ZNF346: variants seen among roughly 807,000 people sequenced by gnomAD.
The protein encoded by ZNF346 is double-stranded RNA-binding zinc finger protein JAZ.
Under a neutral mutation model 33.7 loss-of-function variants are expected in ZNF346, and 23 were observed. The ratio of observed to expected loss-of-function variants is 0.68; its 90% CI spans 0.49 to 0.97. The LOEUF is 0.97. Among genes scored for constraint, ZNF346 ranks in the 50% least tolerant of loss-of-function variants. The pLI is 0.00. For synonymous variants in ZNF346, 134 were observed against 142.4 expected, an observed-to-expected ratio of 0.94 and a Z score of 0.42; for missense variants, 340 against 371.1, an observed-to-expected ratio of 0.92 and a Z score of 0.69.
In ZNF346 at chr5:177,064,621, C is replaced by T; in HGVS notation, c.*22C>T. On this transcript the variant is annotated 3_prime_UTR_variant, in exon 7 of 7. Coordinates refer to ENST00000358149, the MANE Select transcript of ZNF346 (RefSeq NM_012279.4). ...CTAGAGGTGATTCTGCCCAGCATCC[C>T]ATATTGGGCCAGCCATGAGCCAGCT... The T allele has an allele frequency of 6.3e-7, 1 of 1,589,904 alleles. No homozygotes were observed. Among genetic ancestry groups the T allele is most frequent in the Non-Finnish European group, 8.6e-7 (1 of 1,158,078 alleles).
intron 5 of ZNF346, among the ~76,000 whole-genome samples, chr5:177,051,408 C>A (rs1001232684): frequency 6.6e-5 from 10 of 151,948 alleles, no homozygotes; most frequent in South Asian, 2.1e-4. Flanking sequence ...ATCTCCTGAC[C>A]TTGTGATCCG....
chr5:177,039,928 C>A (rs1779113650), intron 1 of ZNF346, among the ~76,000 whole-genome samples: 1 of 152,142 alleles, frequency 6.6e-6, no homozygotes, highest in Non-Finnish European at 1.5e-5. Context: ...CGCCTGTAAT[C>A]CCAGCACTTT....
chr5:177,062,718 A>G (rs571238013), intron 6 of ZNF346, among the ~76,000 whole-genome samples: 1 of 152,312 alleles, frequency 6.6e-6, no homozygotes, highest in East Asian at 1.9e-4. Context: ...GTTCATGGTA[A>G]TCTTGGAAGT....
intron 4 of ZNF346, among the ~76,000 whole-genome samples, chr5:177,046,611 G>C (rs1287549487): frequency 6.6e-6 from 1 of 152,150 alleles, no homozygotes; most frequent in Non-Finnish European, 1.5e-5. Context: ...CATGTTGTAA[G>C]AGATAAGGAA....
rs35428094 is a variant in ZNF346 at position 177,057,329 on chromosome 5, G to GTTTTGT, written c.704-4725_704-4724insGTTTTT. Among the ~76,000 whole-genome samples the GTTTTGT allele has an allele frequency of 3.3e-3, 8 of 2,434 alleles. No homozygotes were observed. In the Admixed American group the frequency reaches 0.043, roughly 13 times the overall value. The allele number at this position is 2,434 out of a possible 152,430, so 1.6% of individuals were successfully genotyped here. A position where few individuals can be genotyped will look rare whatever the true frequency, so the allele number is the denominator to read the frequency against. On this transcript the variant is annotated intron_variant, in intron 5 of 6. Coordinates refer to ENST00000358149, the MANE Select transcript of ZNF346 (RefSeq NM_012279.4). ...AGACCTGTGTCTCTTTTTCTTTTAA[G>GTTTTGT]TTTTTTCTCTTTTTTTGGTCCTTAT... is the stretch of plus-strand genomic sequence containing the variant.
intron 1 of ZNF346, among the ~76,000 whole-genome samples, chr5:177,029,876 T>G (rs1372650518): frequency 6.6e-6 from 1 of 152,152 alleles, no homozygotes; most frequent in African/African-American, 2.4e-5. Context: ...AACCTGCAAT[T>G]GGCATCAGAA....
At chr5:177,038,053 C>G (rs1778760363) in intron 1 of ZNF346, among the ~76,000 whole-genome samples, 1 of 151,626 alleles carries the variant, frequency 6.6e-6, no homozygotes, top group Non-Finnish European at 1.5e-5. Context: ...TTCCTGTAAG[C>G]CTTGTGGCTG....
At chr5:177,073,668 G>C (rs1158665867) in intron 8 of ZNF346, among the ~76,000 whole-genome samples, 1 of 152,192 alleles carries the variant, frequency 6.6e-6, no homozygotes, top group African/African-American at 2.4e-5. Flanking sequence ...CAGGTTGCTG[G>C]GGTGGGAGGA....
At chr5:177,056,686 A>G (rs428985) in intron 5 of ZNF346, among the ~76,000 whole-genome samples, 87,480 of 150,756 alleles carry the variant, frequency 0.58, 26,986 homozygotes, top group African/African-American at 0.81. Context: ...AACACTGCAT[A>G]TTCTCACTCA....
At chr5:177,071,414 CG>C (rs1281328648), downstream of ZNF346, among the ~76,000 whole-genome samples, 1 of 151,396 alleles carries the variant, frequency 6.6e-6, no homozygotes, top group Non-Finnish European at 1.5e-5. Context: ...GCGCCAGGCG[CG>C]GTGGCTCACG....
downstream of ZNF346, among the ~76,000 whole-genome samples, chr5:177,068,730 A>G (rs972262556): frequency 2.8e-5 from 4 of 142,076 alleles, no homozygotes; most frequent in Admixed American, 6.8e-5. Flanking sequence ...GAGTGATACA[A>G]CCCCAAAAGA....
chr5:177,057,556 C>G (rs544231208), intron 5 of ZNF346, among the ~76,000 whole-genome samples: 1 of 151,740 alleles, frequency 6.6e-6, no homozygotes, highest in Non-Finnish European at 1.5e-5. Flanking sequence ...GGTCAACATG[C>G]AAAACCCTGT....
chr5:177,054,308 C>T (rs778375958), intron 5 of ZNF346, among the ~76,000 whole-genome samples: 35 of 151,980 alleles, frequency 2.3e-4, no homozygotes, highest in Admixed American at 4.6e-4. Context: ...TGGGCTCAAG[C>T]GATCCACCCA....
chr5:177,025,955 T>C (rs538914707), intron 1 of ZNF346, among the ~76,000 whole-genome samples: 1 of 151,788 alleles, frequency 6.6e-6, no homozygotes. Context: ...AACCCAAGAT[T>C]TGAGAAATTT....
intron 4 of ZNF346, among the ~76,000 whole-genome samples, chr5:177,046,735 G>A (rs1252109815): frequency 2.0e-5 from 3 of 152,050 alleles, no homozygotes; most frequent in African/African-American, 7.2e-5. Flanking sequence ...ATTGTTATAT[G>A]TATCTTTGTA....
chr5:177,042,477 A>G (rs891032658), intron 3 of ZNF346, among the ~76,000 whole-genome samples: 3 of 151,842 alleles, frequency 2.0e-5, no homozygotes, highest in African/African-American at 4.9e-5. Context: ...GAGTTTGGCC[A>G]AGTCACTTAA....
chr5:177,025,182 T>C (rs1454072867), intron 1 of ZNF346, among the ~76,000 whole-genome samples: 2 of 152,250 alleles, frequency 1.3e-5, no homozygotes, highest in Non-Finnish European at 2.9e-5. Context: ...GTCTTTTGAG[T>C]TTGGCTTCTC....
chr5:177,055,678 CGCCTGT>C (rs33959916), intron 5 of ZNF346, among the ~76,000 whole-genome samples: 19,488 of 151,960 alleles, frequency 0.13, 2,886 homozygotes, highest in African/African-American at 0.36. Context: ...CAGTGGCTCA[CGCCTGT>C]AATCCCAGCA....
Sources: allele counts gnomAD v4.1 joint callset (sites outside exome capture counted in the v4.1 genomes callset), GRCh38; gene constraint gnomAD v4.1.1; transcripts MANE v1.5; gene names NCBI Gene and HGNC (gene_info 2026-07-23, HGNC 2026-07-21).